Variants in TRPS1 observed in about 807,000 individuals in gnomAD.
TRPS1 encodes zinc finger transcription factor Trps1.
A neutral mutation model predicts 101.2 loss-of-function variants in TRPS1; 6 were observed. That is an observed-to-expected ratio of 0.06 (90% CI 0.03 to 0.12). The LOEUF (loss-of-function observed/expected upper bound fraction) is 0.12, where lower values mean the gene tolerates loss of function less well. Among genes scored for constraint, TRPS1 ranks in the 10% least tolerant of loss-of-function variants. The probability of loss-of-function intolerance (pLI) is 1.00; values close to 1 mark genes in which losing one functional copy is unlikely to be tolerated. For synonymous variants in TRPS1, 578 were observed against 589.8 expected (o/e 0.98, Z 0.29); for missense variants, 1,363 against 1,567.0 (o/e 0.87, Z 2.20).
At chr8:115,616,234 T>C (rs1327598773) in intron 3 of TRPS1, among the ~76,000 whole-genome samples, 2 of 152,202 alleles carry the variant, frequency 1.3e-5, no homozygotes, top group Non-Finnish European at 2.9e-5. Context: ...GCAGTATTTT[T>C]ACAAAGTTGT....
chr8:115,516,026 C>A (rs978562472), intron 5 of TRPS1, among the ~76,000 whole-genome samples: 3 of 151,338 alleles, frequency 2.0e-5, no homozygotes, highest in African/African-American at 7.3e-5. Flanking sequence ...ACTGAGCATA[C>A]TAGAGCATTA....
chr8:115,454,349 T>C (rs1336932162), intron 5 of TRPS1, among the ~76,000 whole-genome samples: 3 of 152,228 alleles, frequency 2.0e-5, no homozygotes, highest in African/African-American at 7.2e-5. Context: ...CATGCTATGA[T>C]TGTTTGTCTT....
intron 1 of TRPS1, among the ~76,000 whole-genome samples, chr8:115,624,971 T>C (rs1393266875): frequency 2.0e-5 from 3 of 151,708 alleles, no homozygotes; most frequent in Admixed American, 6.6e-5. Context: ...AATATATACA[T>C]GCATACATTT....
In TRPS1 at chr8:115,576,669, C is replaced by T. The variant is rs543848338; in HGVS notation, c.2700+10332G>A. ...AAGAAAAAATAACATCTAATTTTAC[C>T]AGAAAATAAAATACAGGCAGGCCTG... On this transcript the variant is annotated intron_variant, in intron 5 of 6. Coordinates refer to ENST00000395715, the MANE Select transcript of TRPS1 (RefSeq NM_014112.5). Among the ~76,000 whole-genome samples the T allele has an allele frequency of 2.6e-5, 4 of 152,122 alleles. No homozygotes were observed. In the South Asian group the frequency reaches 6.2e-4, roughly 24 times the overall value.
rs1818334242 is a variant in TRPS1 at position 115,619,300 on chromosome 8, G to A, written c.798C>T (p.Arg266=). ...TGTCCAGCTCAGCATCTTGCCTGGT[G>A]CGGTTATGCAGTCCTAAGTGATACT... ...FRKYHLGLHN[R]TRQDAELDSK... is the part of the protein sequence containing the mutation. The change falls in exon 3 of 7, where the codon CGC becomes CGT. Residue 266 remains arginine, a synonymous_variant. Coordinates refer to ENST00000395715, the MANE Select transcript of TRPS1 (RefSeq NM_014112.5). The A allele has an allele frequency of 6.2e-7, 1 of 1,613,974 alleles. No homozygotes were observed. Among genetic ancestry groups the A allele is most frequent in the Non-Finnish European group, 8.5e-7 (1 of 1,179,950 alleles).
intron 5 of TRPS1, among the ~76,000 whole-genome samples, chr8:115,457,658 T>G (rs1435417078): frequency 6.6e-6 from 1 of 152,148 alleles, no homozygotes; most frequent in Non-Finnish European, 1.5e-5. Context: ...TTAAAAAATA[T>G]AGGTAGCTTT....
intron 1 of TRPS1, among the ~76,000 whole-genome samples, chr8:115,662,484 C>T (rs948787421): frequency 3.3e-5 from 5 of 151,934 alleles, no homozygotes; most frequent in African/African-American, 1.2e-4. Flanking sequence ...GGCGGAGGGC[C>T]TTCCACTAAA....
intron 5 of TRPS1, among the ~76,000 whole-genome samples, chr8:115,530,031 G>T (rs553292294): frequency 6.6e-6 from 1 of 151,928 alleles, no homozygotes; most frequent in African/African-American, 2.4e-5. Flanking sequence ...CCTGAATATC[G>T]GGTTCCTATA....
At chr8:115,506,921 A>G (rs1815458717) in intron 5 of TRPS1, among the ~76,000 whole-genome samples, 1 of 152,116 alleles carries the variant, frequency 6.6e-6, no homozygotes, top group Admixed American at 6.6e-5. Flanking sequence ...ACTTGTGAGG[A>G]AAAAGTAAAA....
intron 5 of TRPS1, among the ~76,000 whole-genome samples, chr8:115,512,054 A>G (rs191797046): frequency 2.6e-5 from 4 of 151,890 alleles, no homozygotes; most frequent in Non-Finnish European, 5.9e-5. Flanking sequence ...ATTCTCAAAA[A>G]GTGGCAAGAT....
intron 5 of TRPS1, among the ~76,000 whole-genome samples, chr8:115,562,742 A>G (rs2130372363): frequency 6.6e-6 from 1 of 152,188 alleles, no homozygotes; most frequent in South Asian, 2.1e-4. Context: ...TTACTTAAAC[A>G]AAAGGAGAAA....
chr8:115,557,587 TCTC>T (rs1446419981), intron 5 of TRPS1, among the ~76,000 whole-genome samples: 1 of 152,108 alleles, frequency 6.6e-6, no homozygotes, highest in Non-Finnish European at 1.5e-5. Flanking sequence ...CTTTCATTCT[TCTC>T]TCTCCTGCTG....
intron 1 of TRPS1, among the ~76,000 whole-genome samples, chr8:115,628,436 TAC>T (rs542920476): frequency 2.7e-5 from 4 of 150,426 alleles, no homozygotes; most frequent in African/African-American, 4.9e-5. Context: ...AAAAACAAAT[TAC>T]ACACACACAC....
intron 5 of TRPS1, among the ~76,000 whole-genome samples, chr8:115,508,050 A>G (rs2130174542): frequency 6.6e-6 from 1 of 152,264 alleles, no homozygotes; most frequent in East Asian, 1.9e-4. Context: ...AAAAATCAGA[A>G]CATTGGTGAC....
At chr8:115,526,650 T>G (rs1331532003) in intron 5 of TRPS1, among the ~76,000 whole-genome samples, 1 of 152,136 alleles carries the variant, frequency 6.6e-6, no homozygotes, top group Non-Finnish European at 1.5e-5. Context: ...AATTCATGCC[T>G]TATATAGAAA....
At chr8:115,435,998 TCACACACACACACACACACA>T (rs4027183) in intron 5 of TRPS1, among the ~76,000 whole-genome samples, 2 of 134,016 alleles carry the variant, frequency 1.5e-5, no homozygotes, top group African/African-American at 2.9e-5. Flanking sequence ...AAATGAGAAA[TCACACACACACACACACACA>T]CACACACACA....
intron 5 of TRPS1, among the ~76,000 whole-genome samples, chr8:115,487,462 C>A (rs1375853377): frequency 2.0e-5 from 3 of 151,998 alleles, no homozygotes; most frequent in Non-Finnish European, 4.4e-5. Flanking sequence ...AAGGCTGAAG[C>A]GGCCATAGAT....
intron 1 of TRPS1, among the ~76,000 whole-genome samples, chr8:115,628,089 G>A (rs927975113): frequency 6.6e-6 from 1 of 151,816 alleles, no homozygotes; most frequent in African/African-American, 2.4e-5. Flanking sequence ...GTGCATGTGT[G>A]TGTATCTCTA....
At position 115,587,618 on chromosome 8, in the gene TRPS1, A is replaced by G. The variant is rs532039809; in HGVS notation, c.2097-14T>C. 10 of 1,613,928 alleles carry G rather than the reference A, an allele frequency of 6.2e-6. No homozygotes were observed. In the South Asian group the frequency reaches 1.1e-4, roughly 18 times the overall value. ...CTGTGTGCTCTCCTGGAGAAGAAGA[A>G]AACAGTTACTGCAAAGACAGCGTTC... is the stretch of plus-strand genomic sequence containing the variant. On this transcript the variant is annotated splice_polypyrimidine_tract_variant and intron_variant, in intron 4 of 6. Transcript: ENST00000395715.
Sources: gnomAD v4.1 joint callset for allele counts (sites outside exome capture counted in the v4.1 genomes callset) on GRCh38, gnomAD v4.1.1 for gene constraint, MANE v1.5 for transcripts, NCBI Gene and HGNC (gene_info 2026-07-23, HGNC 2026-07-21) for gene names.